MAMDC2: variants seen among roughly 807,000 people sequenced by gnomAD.
The protein encoded by MAMDC2 is MAM domain containing 2.
In MAMDC2, 57 loss-of-function variants were observed where a neutral mutation model predicts 89.8. The ratio of observed to expected loss-of-function variants is 0.63; its 90% CI spans 0.51 to 0.79. The LOEUF (loss-of-function observed/expected upper bound fraction) is 0.79. MAMDC2 is among the 30% of genes least tolerant of loss of function. MAMDC2 has a pLI of 0.00. For missense variants in MAMDC2, 800 were observed against 820.6 expected (o/e 0.97, Z 0.31); for synonymous variants, 313 against 293.4 (o/e 1.07, Z -0.68).
intron 11 of MAMDC2, among the ~76,000 whole-genome samples, chr9:70,176,920 G>A (rs1438037008): frequency 6.6e-6 from 1 of 152,126 alleles, no homozygotes; most frequent in Non-Finnish European, 1.5e-5. Context: ...GTGGATGCCT[G>A]AAACCAAAGG....
At position 70,197,809 on chromosome 9, in the gene MAMDC2, C is replaced by A. The variant is rs561300149; in HGVS notation, c.1652-20528C>A. Reference sequence around the variant, plus strand: ...TCTCCTGACATCCAGCCATCCACATCGTCATAGCTCATTCATCCAGGATCA... The same window carrying A: ...TCTCCTGACATCCAGCCATCCACATAGTCATAGCTCATTCATCCAGGATCA... On this transcript the variant is annotated intron_variant, in intron 11 of 13. Transcript: ENST00000377182. Among the ~76,000 whole-genome samples, 3 of 152,118 alleles carry A rather than the reference C, an allele frequency of 2.0e-5. No homozygotes were observed. In the East Asian group the frequency reaches 5.8e-4, roughly 29 times the overall value.
At chr9:70,096,033 C>CT (rs1471674651) in intron 2 of MAMDC2, among the ~76,000 whole-genome samples, 7 of 149,662 alleles carry the variant, frequency 4.7e-5, no homozygotes, top group Admixed American at 3.3e-4. Context: ...TTTTTTTTTT[C>CT]TTTTTTTTGA....
chr9:70,142,943 T>C (rs767778222), intron 8 of MAMDC2, among the ~76,000 whole-genome samples: 1 of 152,172 alleles, frequency 6.6e-6, no homozygotes, highest in Non-Finnish European at 1.5e-5. Context: ...CCTGATCTTA[T>C]TTTTCTTTAT....
intron 9 of MAMDC2, among the ~76,000 whole-genome samples, chr9:70,149,281 C>T (rs1286676673): frequency 3.3e-5 from 5 of 151,430 alleles, no homozygotes; most frequent in Non-Finnish European, 2.9e-5. Context: ...TACCTCAAAC[C>T]AGGGAAAGCA....
At chr9:70,046,809 A>G (rs986466034) in intron 2 of MAMDC2, among the ~76,000 whole-genome samples, 4 of 152,236 alleles carry the variant, frequency 2.6e-5, no homozygotes, top group Non-Finnish European at 4.4e-5. Context: ...GCGGAAGTTA[A>G]TTCATTCTCC....
chr9:70,169,127 T>G (rs2032256169), intron 10 of MAMDC2, among the ~76,000 whole-genome samples: 1 of 152,218 alleles, frequency 6.6e-6, no homozygotes, highest in African/African-American at 2.4e-5. Context: ...ATTACTGTTG[T>G]TTTTGTTATC....
chr9:70,214,145 A>G (rs1013900726), intron 11 of MAMDC2, among the ~76,000 whole-genome samples: 2 of 152,250 alleles, frequency 1.3e-5, no homozygotes, highest in Non-Finnish European at 2.9e-5. Context: ...ACATAAAAAT[A>G]AGAAAATTAT....
intron 9 of MAMDC2, chr9:70,153,511 G>T (rs2031645351): frequency 6.6e-6 from 1 of 152,162 alleles, no homozygotes; most frequent in African/African-American, 2.4e-5. Context: ...CTTTAACAAA[G>T]ATCGTTCAGT....
At chr9:70,155,102 G>A (rs2031712463) in intron 9 of MAMDC2, among the ~76,000 whole-genome samples, 1 of 152,024 alleles carries the variant, frequency 6.6e-6, no homozygotes, top group African/African-American at 2.4e-5. Context: ...GAAACCCAGG[G>A]TAGCTTTCAT....
chr9:70,218,337 G>C lies in MAMDC2; in HGVS notation c.1652G>C (p.Gly551Ala). 2 of 1,609,454 alleles carry C rather than the reference G, an allele frequency of 1.2e-6. No individual in the cohort carries two copies. The highest frequency in any genetic ancestry group is 1.7e-6 in the Non-Finnish European group (2 of 1,176,870). The change falls in exon 12 of 14, where the codon GGC becomes GCC. Residue 551 changes from glycine to alanine, a missense_variant and splice_region_variant. Coordinates refer to ENST00000377182, the MANE Select transcript of MAMDC2 (RefSeq NM_153267.5). ...TACCTGCTTTTGCATTCACCTCAAG[G>C]CTACTACATGTACATTGAGGCCTCC... ...GPKGDHTTGVGYYMYIEASHM... is the reference protein window; with the variant it reads ...GPKGDHTTGVAYYMYIEASHM...
chr9:70,131,729 TA>T, intron 7 of MAMDC2, 117 bp downstream of exon 7: 1 of 760,930 alleles, frequency 1.3e-6, no homozygotes, highest in Non-Finnish European at 2.2e-6. Flanking sequence ...CTGTCATCCT[TA>T]AAAAATTATT....
At chr9:70,202,789 G>C (rs556202571) in intron 11 of MAMDC2, among the ~76,000 whole-genome samples, 8,429 of 151,456 alleles carry the variant, frequency 0.056, 261 homozygotes, top group South Asian at 0.073. Flanking sequence ...TTGTTGAATT[G>C]ATCCCTTTAC....
chr9:70,140,364 G>A, intron 8 of MAMDC2, 76 bp downstream of exon 8: 1 of 1,434,568 alleles, frequency 7.0e-7, no homozygotes, highest in South Asian at 1.4e-5. Context: ...CTTCACACCT[G>A]CAAAGACATC....
rs1192701263 is a variant in MAMDC2 at position 70,206,059 on chromosome 9, TG to T, written c.1652-12277del. On this transcript the variant is annotated intron_variant, in intron 11 of 13. Transcript: ENST00000377182. ...GCATACTCTGATTCATTGGTAAGTT[TG>T]TTAAAATTATGTTTAGGTAAGATGT... Among the ~76,000 whole-genome samples, 6 of 152,358 alleles carry T rather than the reference TG, an allele frequency of 3.9e-5. 1 individual carries two copies. In the East Asian group the frequency reaches 1.2e-3, roughly 29 times the overall value.
rs1828018406 is a variant in MAMDC2 at position 70,096,000 on chromosome 9, CTTTAAA to C, written c.149-12205_149-12200del. On this transcript the variant is annotated intron_variant, in intron 2 of 13. Coordinates refer to ENST00000377182, the MANE Select transcript of MAMDC2 (RefSeq NM_153267.5). ...CATGTCCTGTTCCCAGGACATAGGACTTTAAATTTAATTTAATTTAAGTTTTTTTTT... is the reference window on the plus strand; with the variant it reads ...CATGTCCTGTTCCCAGGACATAGGACTTTAATTTAATTTAAGTTTTTTTTT... Among the ~76,000 whole-genome samples, 4 of 152,128 alleles carry C rather than the reference CTTTAAA, an allele frequency of 2.6e-5. No homozygotes were observed. In the South Asian group the frequency reaches 8.3e-4, roughly 32 times the overall value.
chr9:70,218,246 T>C (rs2033484810), intron 11 of MAMDC2, 91 bp from the exon 12 acceptor site: 12 of 1,393,706 alleles, frequency 8.6e-6, no homozygotes, highest in Non-Finnish European at 1.1e-5. Flanking sequence ...AGTCAGATCA[T>C]CTTGACTTGA....
chr9:70,114,272 G>A (rs1254661558), intron 5 of MAMDC2, among the ~76,000 whole-genome samples: 3 of 145,684 alleles, frequency 2.1e-5, no homozygotes, highest in Non-Finnish European at 4.5e-5. Flanking sequence ...GGTGAGGACT[G>A]CGGCAAACTA....
intron 11 of MAMDC2, among the ~76,000 whole-genome samples, chr9:70,205,534 A>C (rs945280292): frequency 3.3e-5 from 5 of 152,138 alleles, no homozygotes; most frequent in African/African-American, 1.2e-4. Flanking sequence ...TACCCTGAAA[A>C]AGAGCCCTGA....
rs373751305 is a variant in MAMDC2 at position 70,184,995 on chromosome 9, T to G, written c.1651+14364T>G. Among the ~76,000 whole-genome samples, 29 of 152,314 alleles carry G rather than the reference T, an allele frequency of 1.9e-4. 2 individuals carry two copies. The highest frequency in any genetic ancestry group is 6.7e-4 in the African/African-American group (28 of 41,578). The stretch of plus-strand genomic sequence containing the variant: ...GGAATTTTCAGCATTTTTGTGCTGG[T>G]TTTTACTCATCTTCATGGATTTCTC... On this transcript the variant is annotated intron_variant, in intron 11 of 13. Coordinates refer to ENST00000377182, the MANE Select transcript of MAMDC2 (RefSeq NM_153267.5).
Sources: allele counts gnomAD v4.1 joint callset (sites outside exome capture counted in the v4.1 genomes callset), GRCh38; gene constraint gnomAD v4.1.1; transcripts MANE v1.5; gene names NCBI Gene and HGNC (gene_info 2026-07-23, HGNC 2026-07-21).